Variants in SYT10 observed in about 807,000 individuals in gnomAD.
SYT10 encodes the protein synaptotagmin-10.
In SYT10, 31 loss-of-function variants were observed where a neutral mutation model predicts 51.1. That is an observed-to-expected ratio of 0.61 (90% confidence interval 0.46 to 0.82). SYT10 has a LOEUF of 0.82. Among genes scored for constraint, SYT10 ranks in the 40% least tolerant of loss-of-function variants. The pLI, the probability that SYT10 is intolerant of heterozygous loss-of-function variation, is 0.00. For synonymous variants in SYT10, 233 were observed against 225.9 expected, an observed-to-expected ratio of 1.03 and a Z score of -0.28; for missense variants, 603 against 634.0, an observed-to-expected ratio of 0.95 and a Z score of 0.53.
chr12:33,427,326 T>C (rs904187329), intron 1 of SYT10, among the ~76,000 whole-genome samples: 2 of 152,296 alleles, frequency 1.3e-5, no homozygotes, highest in African/African-American at 2.4e-5. Context: ...AATGGGCCGA[T>C]GGGACTAGCA....
At chr12:33,415,862 G>A (rs895929731) in intron 2 of SYT10, among the ~76,000 whole-genome samples, 1 of 152,166 alleles carries the variant, frequency 6.6e-6, no homozygotes, top group African/African-American at 2.4e-5. Context: ...TGCCACAGTG[G>A]ATTTTTTAAA....
intron 3 of SYT10, among the ~76,000 whole-genome samples, chr12:33,406,384 T>A (rs1315118095): frequency 3.3e-5 from 5 of 152,118 alleles, no homozygotes; most frequent in South Asian, 4.1e-4. Context: ...TGATGAATTA[T>A]CTTAAATAAT....
chr12:33,420,169 G>C (rs539579241), intron 2 of SYT10, among the ~76,000 whole-genome samples: 3 of 152,160 alleles, frequency 2.0e-5, no homozygotes, highest in Non-Finnish European at 4.4e-5. Context: ...ACTGCAAATA[G>C]TGTATTGAAA....
intron 1 of SYT10, among the ~76,000 whole-genome samples, chr12:33,429,461 T>A (rs1866580048): frequency 6.6e-6 from 1 of 152,206 alleles, no homozygotes; most frequent in Non-Finnish European, 1.5e-5. Context: ...AATATACATT[T>A]CTTTCAAAAT....
intron 3 of SYT10, among the ~76,000 whole-genome samples, chr12:33,391,255 T>A (rs1339809417): frequency 3.3e-5 from 5 of 152,276 alleles, no homozygotes; most frequent in Admixed American, 2.6e-4. Context: ...TTATTTTATT[T>A]TTTTTTATCT....
Position 33,376,521 on chromosome 12 carries a change from G to A in SYT10, c.*309C>T, listed in dbSNP as rs749389268. 7 of 345,214 alleles carry A rather than the reference G, an allele frequency of 2.0e-5. No individual in the cohort carries two copies. The highest frequency in any genetic ancestry group is 2.2e-5 in the Non-Finnish European group (4 of 185,060). The allele number at this position is 345,214 out of a possible 1,614,324, so 21.4% of individuals were successfully genotyped here. A position where few individuals can be genotyped will look rare whatever the true frequency, so the allele number is the denominator to read the frequency against. ...ATAAACTATATTTAATTTTAGGTAA[G>A]TATGAACTGTTTAAAAAAACATTTC... On this transcript the variant is annotated 3_prime_UTR_variant, in exon 7 of 7. Transcript: ENST00000228567.
In SYT10 at chr12:33,375,077, C is replaced by A. The variant is rs898775859; in HGVS notation, c.*1753G>T. On this transcript the variant is annotated 3_prime_UTR_variant, in exon 7 of 7. Transcript: ENST00000228567. Reference sequence around the variant, plus strand: ...TTCATTTTACCTATAGCAAATAATTCTTTTAGGCTCGACAAGGTAGCCAAA... The same window carrying A: ...TTCATTTTACCTATAGCAAATAATTATTTTAGGCTCGACAAGGTAGCCAAA... 6.6e-6 allele frequency: 1 copy of A among 151,904 alleles called. No homozygotes were observed. Among genetic ancestry groups the A allele is most frequent in the African/African-American group, 2.4e-5 (1 of 41,416 alleles). The allele number at this position is 151,904 out of a possible 1,614,324, so 9.4% of individuals were successfully genotyped here. A position where few individuals can be genotyped will look rare whatever the true frequency, so the allele number is the denominator to read the frequency against.
chr12:33,378,090 C>T (rs1200253842), intron 6 of SYT10, among the ~76,000 whole-genome samples: 1 of 152,004 alleles, frequency 6.6e-6, no homozygotes, highest in Non-Finnish European at 1.5e-5. Flanking sequence ...TTCTTAGGTC[C>T]CTAGTCCGTA....
At chr12:33,377,618 T>C (rs28695419) in intron 6 of SYT10, among the ~76,000 whole-genome samples, 1 of 81,566 alleles carries the variant, frequency 1.2e-5, no homozygotes, top group Non-Finnish European at 2.1e-5. Context: ...CCTGATTTTC[T>C]TTTTCTTTTT....
intron 2 of SYT10, among the ~76,000 whole-genome samples, chr12:33,420,722 A>G (rs1434518693): frequency 6.6e-6 from 1 of 152,196 alleles, no homozygotes; most frequent in Non-Finnish European, 1.5e-5. Flanking sequence ...TATAACTACC[A>G]GAAAACAAAC....
rs767376234 is a variant in SYT10, at chr12:33,379,916, A to G, written c.1416T>C (p.Asp472=). The G allele has an allele frequency of 7.2e-5, 117 of 1,613,844 alleles. No individual in the cohort carries two copies. The highest frequency in any genetic ancestry group is 8.0e-5 in the African/African-American group (6 of 74,890). ...AGTGGTCTCGCCCAAGACCCTCAGC[A>G]TCCAGTCCTGTTCTGCACACTCCTA... ...EVIGVCRTGL[D]AEGLGRDHWN... is the part of the protein sequence containing the mutation. The change falls in exon 6 of 7, where the codon GAT becomes GAC. Residue 472 remains aspartate, a synonymous_variant. Transcript: ENST00000228567.
Position 33,426,381 on chromosome 12 carries a change from A to G in SYT10, c.266T>C (p.Val89Ala). Reference protein sequence around the residue: ...LCWPCWKSKPVTSNITTLPQS... With the variant: ...LCWPCWKSKPATSNITTLPQS... ...TGGAAGCGTAGTGATGTTGGAAGTC[A>G]CAGGTTTGCTTTTCCAGCATGGCCA... Residue 89 changes from valine to alanine, a missense_variant, in exon 2 of 7, where the codon GTG (valine) becomes GCG (alanine). Transcript: ENST00000228567. The G allele has an allele frequency of 6.2e-7, 1 of 1,614,166 alleles. No individual in the cohort carries two copies. Among genetic ancestry groups the G allele is most frequent in the South Asian group, 1.1e-5 (1 of 91,092 alleles).
chr12:33,430,576 CTCTGTG>C (rs1413740320), intron 1 of SYT10, among the ~76,000 whole-genome samples: 2 of 152,130 alleles, frequency 1.3e-5, no homozygotes, highest in Non-Finnish European at 2.9e-5. Context: ...TGATATTCTC[CTCTGTG>C]TCTATCTGTA....
rs150487649 is a variant in SYT10, at chr12:33,425,922, T to A, written c.509+216A>T. Among the ~76,000 whole-genome samples, 303 of 152,226 alleles carry A rather than the reference T, an allele frequency of 2.0e-3. 1 individual carries two copies. The highest frequency in any genetic ancestry group is 6.8e-3 in the African/African-American group (283 of 41,552). On this transcript the variant is annotated intron_variant, in intron 2 of 6. Coordinates refer to ENST00000228567, the MANE Select transcript of SYT10 (RefSeq NM_198992.4). ...GGTCCTGCTCCCTATTTGGCTTCTTTGTCCTTAGTTTCTCTCTCTCTGCCC... is the reference window on the plus strand; with the variant it reads ...GGTCCTGCTCCCTATTTGGCTTCTTAGTCCTTAGTTTCTCTCTCTCTGCCC...
At chr12:33,431,970 G>A (rs1222899381) in intron 1 of SYT10, among the ~76,000 whole-genome samples, 1 of 152,026 alleles carries the variant, frequency 6.6e-6, no homozygotes, top group Non-Finnish European at 1.5e-5. Context: ...TTATGGCATA[G>A]AATATGATAA....
rs10844571 is a variant in SYT10, at chr12:33,382,354, G to A, written c.1365C>T (p.Tyr455=). ...GAGAAGAGAGATACACATACCTATC[G>A]TAATCCATGACCGCAATGGAGAGGC... ...QVSLSIAVMD[Y]DRVGHNEVIG... The change falls in exon 5 of 7, where the codon TAC becomes TAT. Residue 455 remains tyrosine (Y), a synonymous_variant. Transcript: ENST00000228567. The A allele has an allele frequency of 0.22, 346,841 of 1,600,216 alleles. 39,434 individuals are homozygous for A. The highest frequency in any genetic ancestry group is 0.29 in the South Asian group (26,161 of 88,736).
At chr12:33,423,175 T>A (rs1317895736) in intron 2 of SYT10, among the ~76,000 whole-genome samples, 3 of 152,158 alleles carry the variant, frequency 2.0e-5, no homozygotes, top group African/African-American at 7.2e-5. Flanking sequence ...ATCAGGATGC[T>A]ATTTAAATAC....
rs1282334057 is a variant in SYT10 at position 33,426,161 on chromosome 12, A to G, written c.486T>C (p.Ile162=). Residue 162 remains isoleucine, a synonymous_variant, in exon 2 of 7, where the codon ATT becomes ATC. Coordinates refer to ENST00000228567, the MANE Select transcript of SYT10 (RefSeq NM_198992.4). ...ACCGGGTTGATGACGTAGGCTCAGT[A>G]ATTTGTCTTTGCACACGTGCATGTT... is the stretch of plus-strand genomic sequence containing the variant. ...LIKHARVQRQ[I]TEPTSSTRHS... is the part of the protein sequence containing the mutation. 1 of 1,606,242 alleles carries G rather than the reference A, an allele frequency of 6.2e-7. No individual in the cohort carries two copies. The highest frequency in any genetic ancestry group is 1.7e-5 in the Admixed American group (1 of 57,988).
At chr12:33,394,182 T>C (rs1020755359) in intron 3 of SYT10, among the ~76,000 whole-genome samples, 3 of 152,160 alleles carry the variant, frequency 2.0e-5, no homozygotes, top group African/African-American at 7.2e-5. Flanking sequence ...TTACTTACCA[T>C]GGGGTGTGAG....
Sources: gnomAD v4.1 joint callset for allele counts (sites outside exome capture counted in the v4.1 genomes callset) on GRCh38, gnomAD v4.1.1 for gene constraint, MANE v1.5 for transcripts, NCBI Gene and HGNC (gene_info 2026-07-23, HGNC 2026-07-21) for gene names.